The following FAT3 variants were observed in gnomAD, a reference collection of about 807,000 sequenced individuals.
The protein encoded by FAT3 is protocadherin Fat 3.
In FAT3, 95 loss-of-function variants were observed where a neutral mutation model predicts 310.2. The observed-to-expected ratio is 0.31, with a 90% CI of 0.26 to 0.36. FAT3 has a LOEUF of 0.36. Ranked by LOEUF, FAT3 falls within the 10% of genes least tolerant of loss-of-function variation. The probability of loss-of-function intolerance (pLI) is 1.00; values close to 1 mark genes in which losing one functional copy is unlikely to be tolerated. For missense variants in FAT3, 5,408 were observed against 5,715.6 expected (o/e 0.95, Z 1.74); for synonymous variants, 2,314 against 2,192.9 (o/e 1.06, Z -1.54).
At chr11:92,601,415 G>A (rs906049790) in intron 3 of FAT3, among the ~76,000 whole-genome samples, 9 of 151,932 alleles carry the variant, frequency 5.9e-5, no homozygotes, top group Non-Finnish European at 8.8e-5. Context: ...ACAAAAATAC[G>A]AATATACTGT....
chr11:92,413,352 C>T (rs923672010), intron 2 of FAT3, among the ~76,000 whole-genome samples: 5 of 152,224 alleles, frequency 3.3e-5, no homozygotes, highest in African/African-American at 4.8e-5. Context: ...TATAAAAGAA[C>T]GTAGTAGGTG....
chr11:92,289,966 T>A (rs1946651170), intron 1 of FAT3, among the ~76,000 whole-genome samples: 1 of 152,150 alleles, frequency 6.6e-6, no homozygotes, highest in African/African-American at 2.4e-5. Context: ...TTTTCTGACT[T>A]TATTTTTTAC....
rs184373036 is a variant in FAT3 at position 92,432,436 on chromosome 11, T to C, written c.3292+77032T>C. Among the ~76,000 whole-genome samples the C allele has an allele frequency of 5.5e-4, 83 of 152,236 alleles. No individual in the cohort carries two copies. In the East Asian group the frequency reaches 0.013, roughly 24 times the overall value. On this transcript the variant is annotated intron_variant, in intron 2 of 27. Transcript: ENST00000525166. ...CTAGGTATACAATCATGTCATCAGA[T>C]GGGGTTTTTGAGTGGTCCTCCTTTT...
chr11:92,524,749 T>G lies in FAT3; in HGVS notation c.3408T>G (p.Ile1136Met). The G allele has an allele frequency of 6.2e-7, 1 of 1,613,852 alleles. No individual in the cohort carries two copies. The highest frequency in any genetic ancestry group is 8.5e-7 in the Non-Finnish European group (1 of 1,179,824). ...TCTACTCCACCATTGAGGTCTACAT[T>G]GAAGTTGAAGATGTGAATGACAATG... ...VPLYSTIEVYIEVEDVNDNAP... is the reference protein window; with the variant it reads ...VPLYSTIEVYMEVEDVNDNAP... Residue 1136 changes from isoleucine to methionine, a missense_variant, in exon 3 of 28, where the codon ATT (isoleucine) becomes ATG (methionine). Physicochemically the swap from Ile to Met is conservative, Grantham distance 10. Coordinates refer to ENST00000525166, the MANE Select transcript of FAT3 (RefSeq NM_001367949.2).
chr11:92,335,688 CT>C (rs1193273695), intron 1 of FAT3, among the ~76,000 whole-genome samples: 1 of 151,974 alleles, frequency 6.6e-6, no homozygotes, highest in Non-Finnish European at 1.5e-5. Context: ...AGTATATGCA[CT>C]TTTTTTTGCA....
In FAT3 at chr11:92,883,463, G is replaced by A. The variant is rs2136419825; in HGVS notation, c.12937+70G>A. On this transcript the variant is annotated intron_variant, in intron 24 of 27. Transcript: ENST00000525166. The surrounding 1 kb of genome is among the most constrained non-coding windows in gnomAD (Gnocchi z 4.2). ...ACCTGCAGGGGCGCTGTGCGAGGAC[G>A]CTACGGGAAGGGAGAGAGACCCCGC... 1.3e-6 allele frequency: 2 copies of A among 1,518,958 alleles called. No homozygotes were observed. Among genetic ancestry groups the A allele is most frequent in the Non-Finnish European group, 1.8e-6 (2 of 1,130,024 alleles). 94.1% of individuals were successfully genotyped at this position (1,518,958 alleles called of 1,614,324 possible).
chr11:92,886,855 A>G (rs1239011876), intron 24 of FAT3, 145 bp from the exon 25 acceptor site: 3 of 650,972 alleles, frequency 4.6e-6, no homozygotes, highest in Non-Finnish European at 8.0e-6. Flanking sequence ...TGGCACAGTC[A>G]ATTTTCTACT....
chr11:92,401,765 C>G (rs552452302), intron 2 of FAT3, among the ~76,000 whole-genome samples: 2 of 152,106 alleles, frequency 1.3e-5, no homozygotes, highest in Admixed American at 1.3e-4. Flanking sequence ...AGGTAAGCCC[C>G]AAAGCTAGGA....
intron 3 of FAT3, among the ~76,000 whole-genome samples, chr11:92,600,641 A>G (rs1053008300): frequency 6.6e-6 from 1 of 152,234 alleles, no homozygotes; most frequent in South Asian, 2.1e-4. Flanking sequence ...AGAAGATACA[A>G]TAAATAAGCC....
intron 2 of FAT3, among the ~76,000 whole-genome samples, chr11:92,460,806 A>G (rs1043259777): frequency 2.0e-5 from 3 of 152,226 alleles, no homozygotes; most frequent in Non-Finnish European, 4.4e-5. Flanking sequence ...AAGTATAATT[A>G]TGTTGTAGAT....
chr11:92,873,485 A>G (rs1949444878), intron 22 of FAT3, among the ~76,000 whole-genome samples: 1 of 152,206 alleles, frequency 6.6e-6, no homozygotes, highest in East Asian at 1.9e-4. Context: ...AATGATGTTT[A>G]CCTACACTGG....
intron 2 of FAT3, among the ~76,000 whole-genome samples, chr11:92,436,070 G>A (rs1005692912): frequency 6.6e-6 from 1 of 152,018 alleles, no homozygotes; most frequent in Non-Finnish European, 1.5e-5. Context: ...GGCCAGAAGG[G>A]CTCTTTATTC....
chr11:92,310,733 A>G (rs1368613647), intron 1 of FAT3, among the ~76,000 whole-genome samples: 1 of 152,012 alleles, frequency 6.6e-6, no homozygotes, highest in Non-Finnish European at 1.5e-5. Flanking sequence ...CGGGTAACAC[A>G]TGACCTGAAA....
Position 92,314,672 on chromosome 11 carries a change from G to A in FAT3, c.-17-37424G>A, listed in dbSNP as rs1947390183. ...TGAACTTGCCTTCCAGAACTTTGCA[G>A]AAATTCTCTAGGGAACTGAATGTCC... On this transcript the variant is annotated intron_variant, in intron 1 of 27. Transcript: ENST00000525166. Among the ~76,000 whole-genome samples, 3 of 152,148 alleles carry A rather than the reference G, an allele frequency of 2.0e-5. No individual in the cohort carries two copies. The South Asian group carries it at 6.2e-4, about 32-fold the overall frequency.
intron 18 of FAT3, among the ~76,000 whole-genome samples, chr11:92,841,837 C>T (rs969562305): frequency 6.6e-6 from 1 of 152,318 alleles, no homozygotes; most frequent in Admixed American, 6.5e-5. Flanking sequence ...CTGTATTCTG[C>T]ACAGCCCCTT....
intron 1 of FAT3, among the ~76,000 whole-genome samples, chr11:92,299,329 TGAGCTCTTCCAA>T (rs1029796183): frequency 2.0e-5 from 3 of 152,116 alleles, no homozygotes; most frequent in Non-Finnish European, 4.4e-5. Context: ...CATTATCATC[TGAGCTCTTCCAA>T]GAGCCAATCT....
chr11:92,343,644 CT>C (rs1197466860), intron 1 of FAT3, among the ~76,000 whole-genome samples: 1 of 152,096 alleles, frequency 6.6e-6, no homozygotes, highest in African/African-American at 2.4e-5. Flanking sequence ...TCTCTATTTG[CT>C]TTTTTTCTAG....
chr11:92,655,398 T>C (rs1015144608), intron 3 of FAT3, among the ~76,000 whole-genome samples: 1 of 152,238 alleles, frequency 6.6e-6, no homozygotes, highest in African/African-American at 2.4e-5. Flanking sequence ...AATTCAGGAA[T>C]ACTGGACCTA....
chr11:92,332,417 T>C (rs919344703), intron 1 of FAT3, among the ~76,000 whole-genome samples: 3 of 152,212 alleles, frequency 2.0e-5, no homozygotes, highest in Non-Finnish European at 4.4e-5. Context: ...CTACCACATA[T>C]GAATAAGAAC....
Sources: gnomAD v4.1 joint callset for allele counts (sites outside exome capture counted in the v4.1 genomes callset) on GRCh38, gnomAD v4.1.1 for gene constraint, Gnocchi (gnomAD v3.1) non-coding constraint, MANE v1.5 for transcripts, NCBI Gene and HGNC (gene_info 2026-07-23, HGNC 2026-07-21) for gene names.